Variants in SLC24A3 observed in about 807,000 individuals in gnomAD.
The protein encoded by SLC24A3 is solute carrier family 24 member 3.
In SLC24A3, 28 loss-of-function variants were observed where a neutral mutation model predicts 75.8. That is an observed-to-expected ratio of 0.37 (90% confidence interval 0.27 to 0.51). The LOEUF (loss-of-function observed/expected upper bound fraction) is 0.51. Ranked by LOEUF, SLC24A3 falls within the 20% of genes least tolerant of loss-of-function variation. SLC24A3 has a pLI of 0.94. For synonymous variants in SLC24A3, 372 were observed against 334.1 expected (o/e 1.11, Z -1.24); for missense variants, 663 against 847.8 (o/e 0.78, Z 2.71).
At chr20:19,268,466 A>G (rs972443818) in intron 1 of SLC24A3, among the ~76,000 whole-genome samples, 3 of 152,224 alleles carry the variant, frequency 2.0e-5, no homozygotes, top group African/African-American at 4.8e-5. Flanking sequence ...ATTTAATAAA[A>G]AAGACTCTTA....
intron 3 of SLC24A3, among the ~76,000 whole-genome samples, chr20:19,525,988 G>C (rs1197750656): frequency 6.6e-6 from 1 of 152,186 alleles, no homozygotes; most frequent in East Asian, 1.9e-4. Context: ...TCGGAGGTAG[G>C]GGAGTGGGAG....
In SLC24A3 at chr20:19,585,416, G is replaced by A. The variant is rs2031280646; in HGVS notation, c.509-25G>A. ...GAATGCAACAGGGCCACAACAGCCA[G>A]GCTGATGTGGGATCTGTGTTTCAGG... is the stretch of plus-strand genomic sequence containing the variant. On this transcript the variant is annotated intron_variant, in intron 5 of 16. Coordinates refer to ENST00000328041, the MANE Select transcript of SLC24A3 (RefSeq NM_020689.4). 2.5e-6 allele frequency: 4 copies of A among 1,610,548 alleles called. No homozygotes were observed. In the East Asian group the frequency reaches 8.9e-5, roughly 36 times the overall value.
chr20:19,474,155 G>T (rs1987921806), intron 2 of SLC24A3, among the ~76,000 whole-genome samples: 1 of 152,168 alleles, frequency 6.6e-6, no homozygotes, highest in African/African-American at 2.4e-5. Flanking sequence ...GATGGATTTG[G>T]TGTCAGCTAC....
chr20:19,666,513 C>T (rs1224838497), intron 8 of SLC24A3, among the ~76,000 whole-genome samples: 1 of 151,634 alleles, frequency 6.6e-6, no homozygotes, highest in Admixed American at 6.6e-5. Context: ...CCCCCACCCC[C>T]CAAAAAAAAA....
chr20:19,261,675 G>C (rs1982993340), intron 1 of SLC24A3: 1 of 152,222 alleles, frequency 6.6e-6, no homozygotes, highest in Non-Finnish European at 1.5e-5. Flanking sequence ...AAATATCTGT[G>C]TCCAAGCTTG....
chr20:19,530,868 G>C (rs1207957643), intron 3 of SLC24A3, among the ~76,000 whole-genome samples: 1 of 152,158 alleles, frequency 6.6e-6, no homozygotes, highest in African/African-American at 2.4e-5. Context: ...CACCTGTCCA[G>C]AGTAAACAGG....
chr20:19,438,376 G>A (rs1235851569), intron 2 of SLC24A3, among the ~76,000 whole-genome samples: 1 of 152,204 alleles, frequency 6.6e-6, no homozygotes, highest in African/African-American at 2.4e-5. Flanking sequence ...GATCTTCAAT[G>A]TCCGGCTCCT....
intron 2 of SLC24A3, among the ~76,000 whole-genome samples, chr20:19,442,426 C>G (rs548903989): frequency 6.6e-6 from 1 of 152,244 alleles, no homozygotes; most frequent in African/African-American, 2.4e-5. Flanking sequence ...AGTTGTATCT[C>G]ATTGTTCTTC....
intron 2 of SLC24A3, among the ~76,000 whole-genome samples, chr20:19,448,102 G>A (rs1987416587): frequency 6.6e-6 from 1 of 152,206 alleles, no homozygotes; most frequent in African/African-American, 2.4e-5. Context: ...CACAGTTCCA[G>A]TCATCCCTTC....
intron 2 of SLC24A3, among the ~76,000 whole-genome samples, chr20:19,448,996 T>G (rs1341192231): frequency 6.6e-6 from 1 of 152,160 alleles, no homozygotes; most frequent in Non-Finnish European, 1.5e-5. Context: ...CACCCTGGGA[T>G]GGACACATGT....
chr20:19,507,844 A>C lies in SLC24A3; in HGVS notation c.272-7644A>C, dbSNP rs538220111. 5.3e-5 allele frequency among the ~76,000 whole-genome samples: 8 copies of C among 152,270 alleles called. No individual in the cohort carries two copies. In the East Asian group the frequency reaches 1.5e-3, roughly 29 times the overall value. Reference sequence around the variant, plus strand: ...CAATAATTCTGTCTTGTGTTTATACAAAACCACTTCCTGAGAGAAAGGCCC... The same window carrying C: ...CAATAATTCTGTCTTGTGTTTATACCAAACCACTTCCTGAGAGAAAGGCCC... On this transcript the variant is annotated intron_variant, in intron 2 of 16. Transcript: ENST00000328041.
At chr20:19,584,319 A>C (rs942992) in intron 4 of SLC24A3, among the ~76,000 whole-genome samples, 137,820 of 152,080 alleles carry the variant, frequency 0.91, 62,565 homozygotes, top group Middle Eastern at 0.95. Flanking sequence ...GGTTTCCAGA[A>C]TGCCTCAAGG....
At chr20:19,537,591 A>G (rs1333688894) in intron 3 of SLC24A3, among the ~76,000 whole-genome samples, 8 of 152,114 alleles carry the variant, frequency 5.3e-5, no homozygotes, top group South Asian at 2.1e-4. Context: ...TGTTTATTGC[A>G]GCACTATTCA....
At chr20:19,412,635 G>A (rs8124675) in intron 2 of SLC24A3, among the ~76,000 whole-genome samples, 81,502 of 150,992 alleles carry the variant, frequency 0.54, 22,763 homozygotes, top group African/African-American at 0.69. Context: ...GGAGGAGGGG[G>A]GGAGGAGGAG....
At chr20:19,431,369 A>G (rs572230300) in intron 2 of SLC24A3, among the ~76,000 whole-genome samples, 1 of 152,166 alleles carries the variant, frequency 6.6e-6, no homozygotes, top group African/African-American at 2.4e-5. Flanking sequence ...GAGGGAAGCA[A>G]GGTTGTGTGA....
chr20:19,588,048 G>A (rs1162725316), intron 6 of SLC24A3, among the ~76,000 whole-genome samples: 1 of 152,178 alleles, frequency 6.6e-6, no homozygotes, highest in Non-Finnish European at 1.5e-5. Flanking sequence ...GGATAGTCAG[G>A]GAGAAGGTCT....
At chr20:19,370,823 T>C (rs149111058) in intron 2 of SLC24A3, among the ~76,000 whole-genome samples, 36 of 152,214 alleles carry the variant, frequency 2.4e-4, no homozygotes, top group Non-Finnish European at 4.1e-4. Context: ...TCTCACAGTA[T>C]TGTGGCTCTG....
chr20:19,317,957 A>G (rs8121584), intron 2 of SLC24A3, among the ~76,000 whole-genome samples: 13,757 of 152,156 alleles, frequency 0.09, 2,006 homozygotes, highest in African/African-American at 0.31. Flanking sequence ...GCCTGCTCAC[A>G]CCTGCATTCC....
At chr20:19,246,239 C>G (rs1982480550) in intron 1 of SLC24A3, among the ~76,000 whole-genome samples, 1 of 151,934 alleles carries the variant, frequency 6.6e-6, no homozygotes, top group African/African-American at 2.4e-5. Context: ...ATTAAATATG[C>G]TAATTGTTCA....
Sources: gnomAD v4.1 joint callset for allele counts (sites outside exome capture counted in the v4.1 genomes callset) on GRCh38, gnomAD v4.1.1 for gene constraint, MANE v1.5 for transcripts, NCBI Gene and HGNC (gene_info 2026-07-23, HGNC 2026-07-21) for gene names.